CDK17: variants seen among roughly 807,000 people sequenced by gnomAD.
CDK17 encodes cyclin-dependent kinase 17.
A neutral mutation model predicts 77.6 loss-of-function variants in CDK17; 24 were observed. The observed-to-expected ratio is 0.31, with a 90% CI of 0.22 to 0.44. The LOEUF (loss-of-function observed/expected upper bound fraction) is 0.44, where lower values mean the gene tolerates loss of function less well. CDK17 is among the 20% of genes least tolerant of loss of function. The pLI is 1.00. For missense variants in CDK17, 429 were observed against 622.5 expected (o/e 0.69, Z 3.31); for synonymous variants, 203 against 210.4 (o/e 0.96, Z 0.30).
intron 3 of CDK17, among the ~76,000 whole-genome samples, chr12:96,319,133 C>T (rs1439121764): frequency 1.3e-5 from 2 of 149,302 alleles, no homozygotes; most frequent in African/African-American, 4.9e-5. Flanking sequence ...ACTGATCCCA[C>T]AGAAATACAA....
intron 1 of CDK17, among the ~76,000 whole-genome samples, chr12:96,348,986 A>G (rs1242470171): frequency 6.6e-6 from 1 of 152,226 alleles, no homozygotes; most frequent in Non-Finnish European, 1.5e-5. Context: ...AAACAAAGAC[A>G]TCGTAAGAAA....
chr12:96,358,771 G>A (rs986957726), intron 1 of CDK17, among the ~76,000 whole-genome samples: 2 of 152,170 alleles, frequency 1.3e-5, no homozygotes, highest in African/African-American at 4.8e-5. Flanking sequence ...GCTGCAGTGA[G>A]CTGAGATCAA....
rs757941969 is a variant in CDK17, at chr12:96,278,437, A to G, written c.*1805T>C. 1.3e-5 allele frequency: 2 copies of G among 152,278 alleles called. No homozygotes were observed. The highest frequency in any genetic ancestry group is 2.1e-4 in the South Asian group (1 of 4,830). The allele number at this position is 152,278 out of a possible 1,614,324, so 9.4% of individuals were successfully genotyped here. On this transcript the variant is annotated 3_prime_UTR_variant, in exon 17 of 17. Coordinates refer to ENST00000261211, the MANE Select transcript of CDK17 (RefSeq NM_002595.5). ...AAATGATTGGCACAAACAGAAAACAATAACACCTCTAGCACAGTGAGACTT... is the reference window on the plus strand; with the variant it reads ...AAATGATTGGCACAAACAGAAAACAGTAACACCTCTAGCACAGTGAGACTT...
At chr12:96,305,724 C>CA (rs1952568575) in intron 5 of CDK17, among the ~76,000 whole-genome samples, 1 of 151,814 alleles carries the variant, frequency 6.6e-6, no homozygotes, top group African/African-American at 2.4e-5. Flanking sequence ...ATGGCCACCC[C>CA]CTTTTTTTTT....
chr12:96,319,270 A>T (rs1337036986), intron 3 of CDK17, among the ~76,000 whole-genome samples: 1 of 149,016 alleles, frequency 6.7e-6, no homozygotes, highest in African/African-American at 2.5e-5. Flanking sequence ...ATCTCTGAAT[A>T]GACCAATAAC....
intron 3 of CDK17, among the ~76,000 whole-genome samples, chr12:96,321,757 A>G (rs1283835764): frequency 3.8e-4 from 42 of 110,370 alleles, no homozygotes; most frequent in African/African-American, 1.3e-3. Context: ...GGAATTGAAC[A>G]ATGAGATCAC....
Position 96,318,775 on chromosome 12 carries a change from G to T in CDK17, c.283+5173C>A, listed in dbSNP as rs1407447027. On this transcript the variant is annotated intron_variant, in intron 3 of 16. Transcript: ENST00000261211. The stretch of plus-strand genomic sequence containing the variant: ...ACGAGAACAAAGACACAACATACCA[G>T]AATCTCTGGGACGCATTCAAAGCAG... Among the ~76,000 whole-genome samples, 6 of 141,088 alleles carry T rather than the reference G, an allele frequency of 4.3e-5. 1 individual carries two copies. The highest frequency in any genetic ancestry group is 7.7e-5 in the Non-Finnish European group (5 of 65,078). 92.6% of individuals were successfully genotyped at this position (141,088 alleles called of 152,430 possible).
At chr12:96,322,504 A>AAC (rs1952835407) in intron 3 of CDK17, among the ~76,000 whole-genome samples, 4 of 151,926 alleles carry the variant, frequency 2.6e-5, no homozygotes, top group Admixed American at 2.6e-4. Flanking sequence ...AAAAAAAAAA[A>AAC]AAACAAACCC....
At chr12:96,389,782 T>G (rs1954037416) in intron 1 of CDK17, among the ~76,000 whole-genome samples, 1 of 152,128 alleles carries the variant, frequency 6.6e-6, no homozygotes, top group African/African-American at 2.4e-5. Flanking sequence ...AATAAATTTA[T>G]TACTTATAAC....
At chr12:96,317,357 A>G (rs1261481807) in intron 3 of CDK17, among the ~76,000 whole-genome samples, 4 of 108,080 alleles carry the variant, frequency 3.7e-5, no homozygotes, top group Admixed American at 3.2e-4. Context: ...GAATGGAACC[A>G]AGTTGGAAAA....
intron 5 of CDK17, among the ~76,000 whole-genome samples, chr12:96,302,527 T>C (rs1592714554): frequency 6.6e-6 from 1 of 152,096 alleles, no homozygotes; most frequent in Non-Finnish European, 1.5e-5. Context: ...AAAAACACTA[T>C]ATTGAGAATA....
At chr12:96,333,119 A>G (rs1223064859) in intron 2 of CDK17, among the ~76,000 whole-genome samples, 33 of 151,920 alleles carry the variant, frequency 2.2e-4, no homozygotes, top group Admixed American at 2.1e-3. Context: ...AAGAGTAGGC[A>G]CACTGCGCTT....
rs74327550 is a variant in CDK17 at position 96,362,763 on chromosome 12, C to T, written c.-29-27898G>A. The stretch of plus-strand genomic sequence containing the variant: ...CATACAATTTTTTTATTTTGGAAAG[C>T]AAGCAGTCCAAATGTAGCCCACAGC... On this transcript the variant is annotated intron_variant, in intron 1 of 16. Transcript: ENST00000261211. 7.6e-3 allele frequency among the ~76,000 whole-genome samples: 1,162 copies of T among 152,222 alleles called. 16 individuals are homozygous for T. The highest frequency in any genetic ancestry group is 0.027 in the African/African-American group (1,115 of 41,514).
At position 96,278,839 on chromosome 12, in the gene CDK17, T is replaced by C. The variant is rs1952137553; in HGVS notation, c.*1403A>G. ...AACACCCCAAACATGCCACAATCAC[T>C]ATTCACAAATAAAGTTAAAATGAAA... On this transcript the variant is annotated 3_prime_UTR_variant, in exon 17 of 17. Transcript: ENST00000261211. The C allele has an allele frequency of 6.6e-6, 1 of 152,546 alleles. No homozygotes were observed. Among genetic ancestry groups the C allele is most frequent in the Admixed American group, 6.5e-5 (1 of 15,274 alleles). The allele number at this position is 152,546 out of a possible 1,614,324, so 9.4% of individuals were successfully genotyped here. A position where few individuals can be genotyped will look rare whatever the true frequency, so the allele number is the denominator to read the frequency against.
chr12:96,391,156 T>C (rs1954061492), intron 1 of CDK17, among the ~76,000 whole-genome samples: 1 of 152,228 alleles, frequency 6.6e-6, no homozygotes. Flanking sequence ...ATGAATAACA[T>C]TAAATGCACT....
chr12:96,366,664 A>G (rs769433476), intron 1 of CDK17, among the ~76,000 whole-genome samples: 7 of 152,226 alleles, frequency 4.6e-5, no homozygotes, highest in African/African-American at 1.2e-4. Flanking sequence ...ATTTTCAACC[A>G]GTGACATAAT....
At chr12:96,300,000 C>G (rs936929336) in intron 6 of CDK17, among the ~76,000 whole-genome samples, 16 of 152,164 alleles carry the variant, frequency 1.1e-4, no homozygotes, top group African/African-American at 3.6e-4. Context: ...GTGGCACAGA[C>G]AGTAGACTGG....
At chr12:96,299,781 G>A (rs1952471421) in intron 6 of CDK17, among the ~76,000 whole-genome samples, 1 of 152,166 alleles carries the variant, frequency 6.6e-6, no homozygotes, top group Non-Finnish European at 1.5e-5. Flanking sequence ...ATTATTGCCA[G>A]GACAGCCCTC....
intron 1 of CDK17, among the ~76,000 whole-genome samples, chr12:96,337,301 T>G (rs1469532264): frequency 6.6e-6 from 1 of 152,020 alleles, no homozygotes; most frequent in Non-Finnish European, 1.5e-5. Context: ...CTTGCTCAGC[T>G]TTTATCTTCT....
Sources: gnomAD v4.1 joint callset for allele counts (sites outside exome capture counted in the v4.1 genomes callset) on GRCh38, gnomAD v4.1.1 for gene constraint, MANE v1.5 for transcripts, NCBI Gene and HGNC (gene_info 2026-07-23, HGNC 2026-07-21) for gene names.